The following GRID2 variants were observed in gnomAD, a reference collection of about 807,000 sequenced individuals.
GRID2 encodes glutamate receptor ionotropic, delta-2.
In GRID2, 33 loss-of-function variants were observed where a neutral mutation model predicts 114.8. The ratio of observed to expected loss-of-function variants is 0.29; its 90% CI spans 0.22 to 0.38. The LOEUF (loss-of-function observed/expected upper bound fraction) is 0.38, where lower values mean the gene tolerates loss of function less well. Ranked by LOEUF, GRID2 falls within the 10% of genes least tolerant of loss-of-function variation. GRID2 has a pLI of 1.00. For synonymous variants in GRID2, 505 were observed against 449.9 expected (o/e 1.12, Z -1.55); for missense variants, 1,184 against 1,257.7 (o/e 0.94, Z 0.89).
chr4:93,266,025 T>C (rs1503217), intron 8 of GRID2, among the ~76,000 whole-genome samples: 108,805 of 151,990 alleles, frequency 0.72, 39,879 homozygotes, highest in African/African-American at 0.86. Flanking sequence ...GGGAACTGAC[T>C]CTAATAGGAC....
chr4:92,353,627 A>G (rs558068091), intron 1 of GRID2, among the ~76,000 whole-genome samples: 1 of 151,964 alleles, frequency 6.6e-6, no homozygotes, highest in Admixed American at 6.6e-5. Context: ...AGTTTTCTTG[A>G]ACACCAGTAA....
At chr4:93,349,098 A>G (rs2149257983) in intron 8 of GRID2, among the ~76,000 whole-genome samples, 1 of 152,270 alleles carries the variant, frequency 6.6e-6, no homozygotes. Flanking sequence ...TCAGAGTTCA[A>G]GGAGAATACT....
intron 2 of GRID2, among the ~76,000 whole-genome samples, chr4:92,598,594 G>T (rs1024950775): frequency 4.6e-5 from 7 of 152,076 alleles, no homozygotes; most frequent in African/African-American, 1.7e-4. Flanking sequence ...TTTTATGTAT[G>T]AATTCTGCTC....
intron 8 of GRID2, among the ~76,000 whole-genome samples, chr4:93,335,723 CTG>C (rs1759006349): frequency 7.1e-6 from 1 of 141,264 alleles, no homozygotes; most frequent in Non-Finnish European, 1.5e-5. Flanking sequence ...GGGTCTCACT[CTG>C]TCATTCAGCA....
intron 8 of GRID2, among the ~76,000 whole-genome samples, chr4:93,333,678 A>G (rs1463279884): frequency 6.6e-6 from 1 of 152,142 alleles, no homozygotes. Context: ...GTTTATTTTC[A>G]TTGTGCATTA....
At chr4:93,367,046 C>G (rs1263001288) in intron 8 of GRID2, among the ~76,000 whole-genome samples, 1 of 151,972 alleles carries the variant, frequency 6.6e-6, no homozygotes, top group African/African-American at 2.4e-5. Flanking sequence ...TCGTCCTGTT[C>G]TGGTTGTAAG....
intron 14 of GRID2, among the ~76,000 whole-genome samples, chr4:93,768,528 T>C (rs1733856907): frequency 1.3e-5 from 2 of 152,216 alleles, no homozygotes; most frequent in African/African-American, 4.8e-5. Context: ...TAACTACTTC[T>C]GAAAGCCTCT....
chr4:93,084,382 T>C (rs187470127), intron 2 of GRID2, among the ~76,000 whole-genome samples: 2 of 152,206 alleles, frequency 1.3e-5, no homozygotes, highest in Non-Finnish European at 2.9e-5. Context: ...ATTATTTGAT[T>C]TGACCATAAG....
chr4:93,703,218 G>A (rs947171523), intron 14 of GRID2, among the ~76,000 whole-genome samples: 3 of 151,944 alleles, frequency 2.0e-5, no homozygotes, highest in Non-Finnish European at 4.4e-5. Flanking sequence ...TTTCTAAAGT[G>A]TTACTTTCCT....
intron 2 of GRID2, among the ~76,000 whole-genome samples, chr4:92,911,563 A>G (rs1213045430): frequency 6.6e-6 from 1 of 151,878 alleles, no homozygotes. Flanking sequence ...ATTTGTGCAT[A>G]TCTTTTTTTT....
intron 13 of GRID2, among the ~76,000 whole-genome samples, chr4:93,552,795 C>G (rs550650931): frequency 6.7e-6 from 1 of 149,090 alleles, no homozygotes; most frequent in South Asian, 2.2e-4. Flanking sequence ...CCCCCCACCC[C>G]CCAATAGGCC....
At chr4:93,493,010 G>T (rs1191451795) in intron 12 of GRID2, among the ~76,000 whole-genome samples, 3 of 151,782 alleles carry the variant, frequency 2.0e-5, no homozygotes, top group Non-Finnish European at 4.4e-5. Flanking sequence ...TTGTCTTTCT[G>T]TGTTTGGCTT....
chr4:92,366,757 T>C (rs1196647163), intron 1 of GRID2, among the ~76,000 whole-genome samples: 2 of 152,022 alleles, frequency 1.3e-5, no homozygotes, highest in African/African-American at 4.8e-5. Context: ...CTCCTGGACA[T>C]TGGCCTTGGC....
At chr4:92,499,550 C>A (rs964865067) in intron 1 of GRID2, among the ~76,000 whole-genome samples, 4 of 152,122 alleles carry the variant, frequency 2.6e-5, no homozygotes, top group African/African-American at 9.7e-5. Flanking sequence ...GGAAGAAGCT[C>A]ATATTGAGCA....
chr4:92,848,186 A>G (rs997899925), intron 2 of GRID2, among the ~76,000 whole-genome samples: 1 of 151,518 alleles, frequency 6.6e-6, no homozygotes, highest in Non-Finnish European at 1.5e-5. Context: ...TTCACACCAC[A>G]GAAATCAACA....
intron 2 of GRID2, among the ~76,000 whole-genome samples, chr4:92,740,686 TAGATGATAGATAGATA>T (rs1185545148): frequency 8.1e-4 from 62 of 76,480 alleles, no homozygotes; most frequent in African/African-American, 1.7e-3. Flanking sequence ...GATAGATAGA[TAGATGATAGATAGATA>T]GATAGATAGA....
intron 14 of GRID2, among the ~76,000 whole-genome samples, chr4:93,714,858 A>C (rs1325936580): frequency 6.6e-6 from 1 of 152,012 alleles, no homozygotes; most frequent in African/African-American, 2.4e-5. Flanking sequence ...AGATTGCAAA[A>C]ATTTTCTCCC....
At chr4:92,631,611 T>C (rs1436694730) in intron 2 of GRID2, among the ~76,000 whole-genome samples, 1 of 152,140 alleles carries the variant, frequency 6.6e-6, no homozygotes, top group East Asian at 1.9e-4. Context: ...CATTTGTACA[T>C]AAGAGTTTTA....
At chr4:93,291,377 G>A (rs564994426) in intron 8 of GRID2, among the ~76,000 whole-genome samples, 9 of 152,200 alleles carry the variant, frequency 5.9e-5, no homozygotes, top group African/African-American at 2.2e-4. Flanking sequence ...AAGTTATTTA[G>A]CATTACTAAA....
Sources: allele counts gnomAD v4.1 joint callset (sites outside exome capture counted in the v4.1 genomes callset), GRCh38; gene constraint gnomAD v4.1.1; transcripts MANE v1.5; gene names NCBI Gene and HGNC (gene_info 2026-07-23, HGNC 2026-07-21).